MYOCOS: variants seen among roughly 807,000 people sequenced by gnomAD.
The protein encoded by MYOCOS is myocilin opposite strand protein.
chr1:171,626,651 A>C lies in MYOCOS; in HGVS notation c.*50A>C. On this transcript the variant is annotated 3_prime_UTR_variant, in exon 3 of 3. Coordinates refer to ENST00000637642, the MANE Select transcript of MYOCOS (RefSeq NM_001391940.1). ...ATTCTTACACAGAACTCCAGAAAAC[A>C]GTTTCAGTGGCATTCTTGAGGTTTG... 1.0e-5 allele frequency: 4 copies of C among 398,466 alleles called. No homozygotes were observed. In the Admixed American group the frequency reaches 1.8e-4, roughly 18 times the overall value. The allele number at this position is 398,466 out of a possible 1,614,324, so 24.7% of individuals were successfully genotyped here. A position where few individuals can be genotyped will look rare whatever the true frequency, so the allele number is the denominator to read the frequency against.
At chr1:171,621,899 G>A (rs1008388822), upstream of MYOCOS, among the ~76,000 whole-genome samples, 2 of 152,010 alleles carry the variant, frequency 1.3e-5, no homozygotes, top group Admixed American at 6.6e-5. Context: ...CAAAATTAAG[G>A]ATTGTTTGCA....
chr1:171,617,091 G>A (rs1422589904), intron 2 of MYOCOS, among the ~76,000 whole-genome samples: 1 of 152,172 alleles, frequency 6.6e-6, no homozygotes, highest in Admixed American at 6.5e-5. Context: ...TGAGGCAGGG[G>A]AGAGCTGGCC....
chr1:171,613,887 C>A (rs958255896), intron 1 of MYOCOS, among the ~76,000 whole-genome samples: 1 of 152,142 alleles, frequency 6.6e-6, no homozygotes, highest in Admixed American at 6.5e-5. Context: ...AAATGAAAGC[C>A]TCTTTATATG....
chr1:171,619,348 G>A (rs551624017), upstream of MYOCOS, among the ~76,000 whole-genome samples: 12 of 152,240 alleles, frequency 7.9e-5, no homozygotes, highest in East Asian at 2.3e-3. Context: ...CAGGATTCAG[G>A]AACATGTTTC....
intron 1 of MYOCOS, among the ~76,000 whole-genome samples, chr1:171,609,444 T>A (rs144859307): frequency 7.7e-4 from 118 of 152,302 alleles, no homozygotes; most frequent in African/African-American, 2.8e-3. Flanking sequence ...GTGTCTCTGG[T>A]GGATGTATTC....
At chr1:171,618,629 G>A (rs976340960), upstream of MYOCOS, among the ~76,000 whole-genome samples, 8 of 152,308 alleles carry the variant, frequency 5.3e-5, no homozygotes, top group African/African-American at 1.7e-4. Context: ...AGGCTGGAGT[G>A]CAGTGGCATG....
At chr1:171,620,860 C>G (rs1011218813), upstream of MYOCOS, among the ~76,000 whole-genome samples, 1 of 149,380 alleles carries the variant, frequency 6.7e-6, no homozygotes, top group African/African-American at 2.5e-5. Context: ...ACCTCTGACT[C>G]CCGGGTTCAA....
At chr1:171,624,922 G>A (rs1251363887) in intron 2 of MYOCOS, among the ~76,000 whole-genome samples, 5 of 152,058 alleles carry the variant, frequency 3.3e-5, no homozygotes, top group African/African-American at 7.2e-5. Context: ...TGTCGGGTAT[G>A]TTATGAGATT....
At chr1:171,602,242 TG>T (rs1170439084) in intron 1 of MYOCOS, among the ~76,000 whole-genome samples, 1 of 151,884 alleles carries the variant, frequency 6.6e-6, no homozygotes, top group Non-Finnish European at 1.5e-5. Context: ...AAAGAAAAAA[TG>T]TTATAAAAAA....
intron 1 of MYOCOS, among the ~76,000 whole-genome samples, chr1:171,606,322 A>C (rs1437509389): frequency 6.6e-6 from 1 of 152,236 alleles, no homozygotes; most frequent in Non-Finnish European, 1.5e-5. Flanking sequence ...ACTCCCACTA[A>C]TAAAAAGTAA....
intron 2 of MYOCOS, among the ~76,000 whole-genome samples, chr1:171,615,892 C>T (rs1156447495): frequency 2.0e-5 from 3 of 152,132 alleles, no homozygotes; most frequent in Non-Finnish European, 2.9e-5. Flanking sequence ...GTCTGTGGCT[C>T]GTCCTGCTAC....
At chr1:171,603,006 G>A (rs1026472130) in intron 1 of MYOCOS, among the ~76,000 whole-genome samples, 14 of 152,168 alleles carry the variant, frequency 9.2e-5, no homozygotes, top group Non-Finnish European at 4.4e-5. Flanking sequence ...CTTCCACTAA[G>A]GTGGTCCTCC....
chr1:171,625,318 T>C (rs1230863885), intron 2 of MYOCOS, among the ~76,000 whole-genome samples: 1 of 152,144 alleles, frequency 6.6e-6, no homozygotes, highest in Non-Finnish European at 1.5e-5. Flanking sequence ...TCAGCAACAT[T>C]AGGGATCAGC....
intron 1 of MYOCOS, among the ~76,000 whole-genome samples, chr1:171,605,804 T>C (rs960779482): frequency 1.3e-5 from 2 of 152,136 alleles, no homozygotes; most frequent in Non-Finnish European, 2.9e-5. Flanking sequence ...ATCTACATGC[T>C]CAACCGAATC....
At chr1:171,608,776 T>C (rs1652302171) in intron 1 of MYOCOS, among the ~76,000 whole-genome samples, 1 of 152,124 alleles carries the variant, frequency 6.6e-6, no homozygotes, top group Admixed American at 6.6e-5. Flanking sequence ...AGGATGGGGA[T>C]GTAGGAAGGG....
At chr1:171,624,255 T>C (rs1226581827) in intron 2 of MYOCOS, among the ~76,000 whole-genome samples, 1 of 151,368 alleles carries the variant, frequency 6.6e-6, no homozygotes, top group Non-Finnish European at 1.5e-5. Context: ...TGGGGATCAC[T>C]TTGTTTGGTT....
At chr1:171,619,526 AC>A (rs1209307943), upstream of MYOCOS, among the ~76,000 whole-genome samples, 4 of 152,222 alleles carry the variant, frequency 2.6e-5, no homozygotes, top group African/African-American at 9.6e-5. Flanking sequence ...TAAAACAGCA[AC>A]AAACAAACAC....
At chr1:171,620,083 A>G (rs1037869505), upstream of MYOCOS, among the ~76,000 whole-genome samples, 3 of 147,794 alleles carry the variant, frequency 2.0e-5, no homozygotes, top group Non-Finnish European at 4.5e-5. Context: ...ATATATATAT[A>G]TATAACCTAT....
intron 1 of MYOCOS, among the ~76,000 whole-genome samples, chr1:171,601,518 C>T (rs1216972422): frequency 6.6e-6 from 1 of 151,480 alleles, no homozygotes; most frequent in Non-Finnish European, 1.5e-5. Context: ...GCAAAGTAAG[C>T]CCACCCCACT....
Sources: allele counts gnomAD v4.1 joint callset (sites outside exome capture counted in the v4.1 genomes callset), GRCh38; gene constraint gnomAD v4.1.1; transcripts MANE v1.5; gene names NCBI Gene and HGNC (gene_info 2026-07-23, HGNC 2026-07-21).